Variants in PADI1 observed in about 807,000 individuals in gnomAD.
The protein encoded by PADI1 is protein-arginine deiminase type-1.
Under a neutral mutation model 74.8 loss-of-function variants are expected in PADI1, and 65 were observed. That is an observed-to-expected ratio of 0.87 (90% CI 0.71 to 1.07). PADI1 has a LOEUF of 1.07. Among genes scored for constraint, PADI1 ranks in the 50% least tolerant of loss-of-function variants. The pLI, the probability that PADI1 is intolerant of heterozygous loss-of-function variation, is 0.00. For synonymous variants in PADI1, 371 were observed against 336.2 expected (o/e 1.10, Z -1.13); for missense variants, 943 against 854.0 (o/e 1.10, Z -1.30).
intron 1 of PADI1, among the ~76,000 whole-genome samples, chr1:17,215,025 G>T (rs2071937394): frequency 6.6e-6 from 1 of 152,362 alleles, no homozygotes; most frequent in East Asian, 1.9e-4. Context: ...CTGGATGGGG[G>T]TGATGGGAAC....
intron 1 of PADI1, among the ~76,000 whole-genome samples, chr1:17,218,853 C>A (rs1020378957): frequency 8.6e-5 from 13 of 151,928 alleles, no homozygotes; most frequent in South Asian, 6.2e-4. Flanking sequence ...AGACAGCACA[C>A]CCCTCTTCCC....
chr1:17,230,108 A>T lies in PADI1; in HGVS notation c.953A>T (p.Asn318Ile). The T allele has an allele frequency of 6.2e-7, 1 of 1,614,030 alleles. No homozygotes were observed. Among genetic ancestry groups the T allele is most frequent in the Non-Finnish European group, 8.5e-7 (1 of 1,179,894 alleles). Residue 318 changes from asparagine (N) to isoleucine (I), a missense_variant, in exon 9 of 16, where the codon AAT becomes ATT. Transcript: ENST00000375471. ...VCRVMDTHGS[N>I]EKFLEDMSYL... ...AGAGTGATGGACACTCATGGCTCCA[A>T]TGAGAAATTCCTGGAGGACATGTCT...
At chr1:17,223,266 G>A (rs950477493) in intron 2 of PADI1, among the ~76,000 whole-genome samples, 4 of 152,272 alleles carry the variant, frequency 2.6e-5, no homozygotes, top group South Asian at 2.1e-4. Flanking sequence ...GGAACTACCC[G>A]AGGCTTAGAG....
At chr1:17,240,788 G>T in intron 15 of PADI1, 28 bp downstream of exon 15, 2 of 1,607,626 alleles carry the variant, frequency 1.2e-6, no homozygotes, top group Non-Finnish European at 1.7e-6. Context: ...GGGTCCTGCT[G>T]GGGGGTCTGC....
intron 4 of PADI1, among the ~76,000 whole-genome samples, chr1:17,224,727 T>A (rs1041112835): frequency 6.6e-6 from 1 of 152,040 alleles, no homozygotes; most frequent in Non-Finnish European, 1.5e-5. Flanking sequence ...GAGGGCTATA[T>A]TTGGACCCCT....
chr1:17,231,999 C>T (rs1447783945), intron 10 of PADI1, among the ~76,000 whole-genome samples: 4 of 152,070 alleles, frequency 2.6e-5, no homozygotes, highest in Non-Finnish European at 2.9e-5. Context: ...AGTGCAATGG[C>T]GCGATCTTGG....
chr1:17,205,167 G>T lies in PADI1; in HGVS notation c.-51G>T, dbSNP rs368568459. 2 of 1,459,472 alleles carry T rather than the reference G, an allele frequency of 1.4e-6. No individual in the cohort carries two copies. The highest frequency in any genetic ancestry group is 2.3e-5 in the East Asian group (1 of 43,728). 90.4% of individuals were successfully genotyped at this position (1,459,472 alleles called of 1,614,324 possible). On this transcript the variant is annotated 5_prime_UTR_variant, in exon 1 of 16. Coordinates refer to ENST00000375471, the MANE Select transcript of PADI1 (RefSeq NM_013358.3). ...TTCCTGGCAAAGAAGTGCCCAGGAC[G>T]GGAGCTGGGGAGCCAGGGCTGATCT...
At chr1:17,224,215 C>A in intron 3 of PADI1, 152 bp from the exon 4 acceptor site, 1 of 670,954 alleles carries the variant, frequency 1.5e-6, no homozygotes, top group Non-Finnish European at 2.7e-6. Context: ...GGGCAAGCCA[C>A]AGAGGTCTCC....
At chr1:17,227,579 A>AATT (rs2072358117) in intron 6 of PADI1, among the ~76,000 whole-genome samples, 2 of 136,960 alleles carry the variant, frequency 1.5e-5, no homozygotes, top group African/African-American at 5.1e-5. Context: ...ATAAATAAAT[A>AATT]AATTACCACT....
At chr1:17,230,352 C>A (rs1468689969) in intron 9 of PADI1, 144 bp downstream of exon 9, 16 of 993,502 alleles carry the variant, frequency 1.6e-5, no homozygotes, top group Non-Finnish European at 2.3e-5. Context: ...CCGCTGCCTG[C>A]ATCAGCCCCA....
chr1:17,225,892 C>G lies in PADI1; in HGVS notation c.490C>G (p.Pro164Ala). The change falls in exon 5 of 16, where the codon CCT becomes GCT. Residue 164 changes from proline (P) to alanine (A), a missense_variant. Coordinates refer to ENST00000375471, the MANE Select transcript of PADI1 (RefSeq NM_013358.3). Reference protein sequence around the residue: ...CDRDNHRSAEPDLTHSWLMSL... With the variant: ...CDRDNHRSAEADLTHSWLMSL... ...CCGGGACAATCACAGGTCCGCAGAGCCTGACCTCACCCACAGCTGGCTGAT... is the reference window on the plus strand; with the variant it reads ...CCGGGACAATCACAGGTCCGCAGAGGCTGACCTCACCCACAGCTGGCTGAT... 6.2e-7 allele frequency: 1 copy of G among 1,614,010 alleles called. No homozygotes were observed. Among genetic ancestry groups the G allele is most frequent in the Non-Finnish European group, 8.5e-7 (1 of 1,179,970 alleles).
At chr1:17,208,128 A>G (rs956962447) in intron 1 of PADI1, among the ~76,000 whole-genome samples, 3 of 152,196 alleles carry the variant, frequency 2.0e-5, no homozygotes, top group Non-Finnish European at 4.4e-5. Flanking sequence ...AGTTGGCCTT[A>G]CTGGTGGGAG....
At chr1:17,227,574 TA>T (rs1557468603) in intron 6 of PADI1, among the ~76,000 whole-genome samples, 32 of 137,456 alleles carry the variant, frequency 2.3e-4, no homozygotes, top group African/African-American at 4.8e-4. Context: ...AATAAATAAA[TA>T]AATAAATTAC....
chr1:17,230,457 C>A (rs1336797925), intron 9 of PADI1, 115 bp from the exon 10 acceptor site: 36 of 767,720 alleles, frequency 4.7e-5, no homozygotes, highest in Non-Finnish European at 6.9e-5. Flanking sequence ...CTGCCCCTCA[C>A]CAGGTCTTAG....
Position 17,236,729 on chromosome 1 carries a change from A to G in PADI1, c.1314-585A>G, listed in dbSNP as rs185955168. Among the ~76,000 whole-genome samples the G allele has an allele frequency of 5.0e-3, 767 of 152,214 alleles. 5 individuals carry two copies. The highest frequency in any genetic ancestry group is 8.4e-3 in the Non-Finnish European group (573 of 67,992). ...TGCACTCCAGCCTCTAGGCTGGGCA[A>G]CAGAGTGAGTGAGACCTTGTCTCAA... On this transcript the variant is annotated intron_variant, in intron 11 of 15. Coordinates refer to ENST00000375471, the MANE Select transcript of PADI1 (RefSeq NM_013358.3).
At chr1:17,243,338 C>T (rs1341922190) in intron 15 of PADI1, among the ~76,000 whole-genome samples, 1 of 152,162 alleles carries the variant, frequency 6.6e-6, no homozygotes, top group East Asian at 1.9e-4. Context: ...GCCCTTTCCC[C>T]CAACTCCTCA....
intron 10 of PADI1, among the ~76,000 whole-genome samples, chr1:17,231,732 GA>G (rs1271528933): frequency 2.6e-5 from 4 of 151,920 alleles, no homozygotes; most frequent in Non-Finnish European, 4.4e-5. Context: ...GCTTGAAATG[GA>G]AACTAAGATG....
At chr1:17,225,172 G>A (rs561824691) in intron 4 of PADI1, among the ~76,000 whole-genome samples, 1 of 152,304 alleles carries the variant, frequency 6.6e-6, no homozygotes, top group Admixed American at 6.5e-5. Context: ...TGGGTTTAAA[G>A]GCCAGCTATG....
chr1:17,236,228 T>C (rs2072637146), intron 11 of PADI1, among the ~76,000 whole-genome samples: 1 of 152,098 alleles, frequency 6.6e-6, no homozygotes, highest in Non-Finnish European at 1.5e-5. Flanking sequence ...AATAAGTACC[T>C]CCAATCATAT....
Sources: allele counts gnomAD v4.1 joint callset (sites outside exome capture counted in the v4.1 genomes callset), GRCh38; gene constraint gnomAD v4.1.1; transcripts MANE v1.5; gene names NCBI Gene and HGNC (gene_info 2026-07-23, HGNC 2026-07-21).